ZFYVE28: variants seen among roughly 807,000 people sequenced by gnomAD.
ZFYVE28 encodes lateral signaling target protein 2 homolog.
ZFYVE28 carries 40 observed loss-of-function variants against 82.1 expected under a neutral mutation model. That is an observed-to-expected ratio of 0.49 (90% confidence interval 0.38 to 0.63). The LOEUF (loss-of-function observed/expected upper bound fraction) is 0.63, where lower values mean the gene tolerates loss of function less well. Ranked by LOEUF, ZFYVE28 falls within the 30% of genes least tolerant of loss-of-function variation. The pLI, the probability that ZFYVE28 is intolerant of heterozygous loss-of-function variation, is 0.00. For missense variants in ZFYVE28, 1,321 were observed against 1,242.1 expected, an observed-to-expected ratio of 1.06 and a Z score of -0.96; for synonymous variants, 612 against 546.1, an observed-to-expected ratio of 1.12 and a Z score of -1.68.
chr4:2,273,090 G>T lies in ZFYVE28; in HGVS notation c.2323+83C>A, dbSNP rs1453847834. 5.1e-6 allele frequency: 6 copies of T among 1,168,862 alleles called. No individual in the cohort carries two copies. In the East Asian group the frequency reaches 7.1e-5, roughly 14 times the overall value. 72.4% of individuals were successfully genotyped at this position (1,168,862 alleles called of 1,614,324 possible). A position where few individuals can be genotyped will look rare whatever the true frequency, so the allele number is the denominator to read the frequency against. On this transcript the variant is annotated intron_variant, in intron 10 of 12. Transcript: ENST00000290974. The stretch of plus-strand genomic sequence containing the variant: ...CCCTATCTCCCCAGGGCCAGAAGGT[G>T]TGGATTTCTGAGCACCCCTCCCTGT...
chr4:2,359,115 C>CA (rs1307639685), intron 1 of ZFYVE28, among the ~76,000 whole-genome samples: 2 of 151,764 alleles, frequency 1.3e-5, no homozygotes, highest in Non-Finnish European at 2.9e-5. Flanking sequence ...GCTGGGACTA[C>CA]AGGCGCCCAC....
chr4:2,351,830 G>A (rs1724501907), intron 2 of ZFYVE28, among the ~76,000 whole-genome samples: 1 of 152,336 alleles, frequency 6.6e-6, no homozygotes, highest in East Asian at 1.9e-4. Context: ...CCCTTCTGGG[G>A]TTGGATTAAT....
intron 1 of ZFYVE28, among the ~76,000 whole-genome samples, chr4:2,411,657 T>C (rs1404537947): frequency 6.6e-6 from 1 of 152,220 alleles, no homozygotes; most frequent in Non-Finnish European, 1.5e-5. Context: ...TGCTTCCTCC[T>C]GGCTGTAGAG....
chr4:2,402,170 C>T (rs932148800), intron 1 of ZFYVE28, among the ~76,000 whole-genome samples: 1 of 152,344 alleles, frequency 6.6e-6, no homozygotes, highest in Non-Finnish European at 1.5e-5. Context: ...GCTGCCACCG[C>T]TCCCCTCATG....
chr4:2,339,624 C>T lies in ZFYVE28; in HGVS notation c.350G>A (p.Arg117Gln), dbSNP rs762098607. The T allele has an allele frequency of 5.6e-6, 9 of 1,609,362 alleles. No individual in the cohort carries two copies. The highest frequency in any genetic ancestry group is 2.2e-5 in the East Asian group (1 of 44,718). ...CLAAGSIIMNRELESMAMRPL... is the reference protein window; with the variant it reads ...CLAAGSIIMNQELESMAMRPL... ...GCGCATGGCCATGCTCTCCAGCTCC[C>T]GGTTCATGATGATGGAGCCGGCGGC... The change falls in exon 4 of 13, where the codon CGG becomes CAG. Residue 117 changes from arginine (R) to glutamine (Q), a missense_variant. Arg to Gln is a conservative substitution (Grantham distance 43, BLOSUM62 1). Coordinates refer to ENST00000290974, the MANE Select transcript of ZFYVE28 (RefSeq NM_020972.3). This position sits in a 1 kb window ranked among gnomAD's most constrained non-coding sequence, Gnocchi z 5.0.
chr4:2,364,435 C>G (rs1726586059), intron 1 of ZFYVE28: 2 of 985,464 alleles, frequency 2.0e-6, no homozygotes, highest in Non-Finnish European at 2.4e-6. Context: ...AAGCAAACTG[C>G]CAGGAAAGGC....
Position 2,338,208 on chromosome 4 carries a change from G to A in ZFYVE28, c.522-712C>T, listed in dbSNP as rs190151118. Among the ~76,000 whole-genome samples, 1,071 of 152,336 alleles carry A rather than the reference G, an allele frequency of 7.0e-3. 11 individuals are homozygous for A. The highest frequency in any genetic ancestry group is 0.012 in the Non-Finnish European group (842 of 68,030). ...GAAGCCAGCCCAGGCTGGGCACAGC[G>A]GCTTGCAGGAGGCCTGCCAGTGGCT... is the stretch of plus-strand genomic sequence containing the variant. On this transcript the variant is annotated intron_variant, in intron 4 of 12. Transcript: ENST00000290974.
intron 1 of ZFYVE28, among the ~76,000 whole-genome samples, chr4:2,401,286 G>A (rs539539777): frequency 1.8e-4 from 28 of 152,276 alleles, no homozygotes; most frequent in Non-Finnish European, 2.8e-4. Context: ...GGGAGGTGCC[G>A]ATTCATCCTG....
intron 12 of ZFYVE28, 30 bp downstream of exon 12, chr4:2,271,281 G>T: frequency 6.2e-7 from 1 of 1,604,150 alleles, no homozygotes. Context: ...TGGATGCTGA[G>T]GGACCCTCCG....
chr4:2,342,796 TAAATATG>T (rs1251731966), intron 2 of ZFYVE28: 1 of 152,176 alleles, frequency 6.6e-6, no homozygotes, highest in Non-Finnish European at 1.5e-5. Context: ...TTTAATTTGT[TAAATATG>T]AAATCAATAC....
At position 2,274,144 on chromosome 4, in the gene ZFYVE28, G is replaced by A; in HGVS notation, c.2124C>T (p.Ala708=). The change falls in exon 9 of 13, where the codon GCC becomes GCT. Residue 708 remains alanine, a synonymous_variant. Coordinates refer to ENST00000290974, the MANE Select transcript of ZFYVE28 (RefSeq NM_020972.3). ...PEAAPAATHA[A]PQATREKIRS... ...GGATCTTCTCTCTTGTGGCCTGTGG[G>A]GCAGCATGCGTGGCTGCTGGGGCCG... The A allele has an allele frequency of 6.2e-7, 1 of 1,613,526 alleles. No homozygotes were observed. Among genetic ancestry groups the A allele is most frequent in the Non-Finnish European group, 8.5e-7 (1 of 1,179,668 alleles).
intron 7 of ZFYVE28, among the ~76,000 whole-genome samples, chr4:2,312,585 G>A (rs7676637): frequency 0.011 from 1,677 of 151,414 alleles, 29 homozygotes; most frequent in African/African-American, 0.038. Flanking sequence ...AAAATTAGCC[G>A]GGTGTGGTGG....
intron 1 of ZFYVE28, among the ~76,000 whole-genome samples, chr4:2,389,885 C>A (rs1729649912): frequency 6.6e-6 from 1 of 152,168 alleles, no homozygotes; most frequent in Non-Finnish European, 1.5e-5. Flanking sequence ...GACACAGCGT[C>A]CCCTCACGGC....
At chr4:2,283,629 T>A (rs1003803233) in intron 8 of ZFYVE28, among the ~76,000 whole-genome samples, 1 of 151,430 alleles carries the variant, frequency 6.6e-6, no homozygotes, top group African/African-American at 2.4e-5. Flanking sequence ...AAACATGCAC[T>A]AAGCACCAAC....
intron 8 of ZFYVE28, among the ~76,000 whole-genome samples, chr4:2,279,525 A>G (rs1278410210): frequency 6.6e-6 from 1 of 152,210 alleles, no homozygotes; most frequent in Non-Finnish European, 1.5e-5. Flanking sequence ...CACACCTGTA[A>G]TCCCAGCACT....
chr4:2,366,721 A>C (rs1726931349), intron 1 of ZFYVE28, among the ~76,000 whole-genome samples: 1 of 152,054 alleles, frequency 6.6e-6, no homozygotes, highest in Admixed American at 6.6e-5. Flanking sequence ...TCTGATGTGG[A>C]AACAGACCCC....
chr4:2,312,772 C>G (rs1048072920), intron 7 of ZFYVE28, among the ~76,000 whole-genome samples: 1 of 141,196 alleles, frequency 7.1e-6, no homozygotes, highest in Non-Finnish European at 1.5e-5. Context: ...GGGCCAGGTA[C>G]AGTGGCTCAC....
At chr4:2,279,256 A>G (rs1427696026) in intron 8 of ZFYVE28, among the ~76,000 whole-genome samples, 1 of 152,038 alleles carries the variant, frequency 6.6e-6, no homozygotes, top group Non-Finnish European at 1.5e-5. Context: ...ACTTGGTGAA[A>G]CCCCGTCTCT....
intron 8 of ZFYVE28, among the ~76,000 whole-genome samples, chr4:2,295,351 A>C (rs1277871116): frequency 4.2e-5 from 6 of 144,466 alleles, no homozygotes; most frequent in Non-Finnish European, 7.6e-5. Context: ...TTTTTTTTTT[A>C]GTAAAGACGG....
Sources: gnomAD v4.1 joint callset for allele counts (sites outside exome capture counted in the v4.1 genomes callset) on GRCh38, gnomAD v4.1.1 for gene constraint, Gnocchi (gnomAD v3.1) non-coding constraint, MANE v1.5 for transcripts, NCBI Gene and HGNC (gene_info 2026-07-23, HGNC 2026-07-21) for gene names.